The following TSC22D1 variants were observed in gnomAD, a reference collection of about 807,000 sequenced individuals.
The protein encoded by TSC22D1 is TSC22 domain family member 1.
Under a neutral mutation model 74.2 loss-of-function variants are expected in TSC22D1, and 9 were observed. The ratio of observed to expected loss-of-function variants is 0.12; its 90% CI spans 0.07 to 0.21. TSC22D1 has a LOEUF of 0.21. TSC22D1 is among the 10% of genes least tolerant of loss of function. The pLI is 1.00. For missense variants in TSC22D1, 1,427 were observed against 1,304.7 expected (o/e 1.09, Z -1.44); for synonymous variants, 586 against 492.5 (o/e 1.19, Z -2.51).
At chr13:44,556,435 A>G (rs993960788) in intron 1 of TSC22D1, among the ~76,000 whole-genome samples, 1 of 151,974 alleles carries the variant, frequency 6.6e-6, no homozygotes. Context: ...ACTTCCAGCT[A>G]CTAGGGAGGC....
chr13:44,444,930 T>C (rs1165568848), intron 1 of TSC22D1, among the ~76,000 whole-genome samples: 1 of 152,162 alleles, frequency 6.6e-6, no homozygotes, highest in Non-Finnish European at 1.5e-5. Flanking sequence ...TTAAACTCTT[T>C]CTATAAAGAA....
chr13:44,471,988 A>G (rs1366128542), intron 1 of TSC22D1, among the ~76,000 whole-genome samples: 2 of 152,208 alleles, frequency 1.3e-5, no homozygotes, highest in African/African-American at 4.8e-5. Context: ...TATCAGATCC[A>G]CTGTCAGCGT....
chr13:44,546,697 C>T (rs2138123793), intron 1 of TSC22D1, among the ~76,000 whole-genome samples: 1 of 151,652 alleles, frequency 6.6e-6, no homozygotes, highest in Non-Finnish European at 1.5e-5. Context: ...ATACATGATA[C>T]AAACATTAAG....
At chr13:44,512,694 G>C (rs552069552) in intron 1 of TSC22D1, among the ~76,000 whole-genome samples, 3 of 151,872 alleles carry the variant, frequency 2.0e-5, no homozygotes, top group Non-Finnish European at 4.4e-5. Context: ...GTCTTGCTCT[G>C]TCACCAGTGC....
At chr13:44,535,399 C>T (rs1405541245) in intron 1 of TSC22D1, among the ~76,000 whole-genome samples, 2 of 151,982 alleles carry the variant, frequency 1.3e-5, no homozygotes, top group Non-Finnish European at 2.9e-5. Context: ...AAGTCTTTCA[C>T]ATTTTAGGAC....
chr13:44,499,391 T>C (rs751346034), intron 1 of TSC22D1, among the ~76,000 whole-genome samples: 32 of 152,190 alleles, frequency 2.1e-4, no homozygotes, highest in Non-Finnish European at 4.0e-4. Context: ...TAGAGATAAA[T>C]TAATATTTTA....
intron 1 of TSC22D1, among the ~76,000 whole-genome samples, chr13:44,444,019 GCTCACGC>G (rs1371793822): frequency 6.6e-6 from 1 of 151,968 alleles, no homozygotes; most frequent in Non-Finnish European, 1.5e-5. Context: ...GGGCGTGGTG[GCTCACGC>G]CTGTAATCCC....
chr13:44,525,632 A>G (rs1221735271), intron 1 of TSC22D1, among the ~76,000 whole-genome samples: 1 of 151,944 alleles, frequency 6.6e-6, no homozygotes, highest in Non-Finnish European at 1.5e-5. Context: ...AAACCCAAAT[A>G]CCACAGAGTA....
chr13:44,510,782 G>C (rs1178321862), intron 1 of TSC22D1, among the ~76,000 whole-genome samples: 2 of 152,056 alleles, frequency 1.3e-5, no homozygotes, highest in Non-Finnish European at 2.9e-5. Context: ...TTTTGGTACA[G>C]ACAGGGTTTC....
In TSC22D1 at chr13:44,574,123, T is replaced by C; in HGVS notation, c.1952A>G (p.Asn651Ser). The C allele has an allele frequency of 6.2e-7, 1 of 1,614,206 alleles. No individual in the cohort carries two copies. Among genetic ancestry groups the C allele is most frequent in the South Asian group, 1.1e-5 (1 of 91,084 alleles). ...APGHVKSVTQ[N>S]PASEYVQQQP... Reference sequence around the variant, plus strand: ...CTGTTGTACATACTCTGAAGCAGGATTTTGAGTCACTGATTTGACATGGCC... The same window carrying C: ...CTGTTGTACATACTCTGAAGCAGGACTTTGAGTCACTGATTTGACATGGCC... The change falls in exon 1 of 3, where the codon AAT becomes AGT. Residue 651 changes from asparagine to serine, a missense_variant. This residue lies in a region of TSC22D1 where 1,343 missense variants were observed against 1,191.5 expected (regional missense o/e 1.13). Transcript: ENST00000458659.
At chr13:44,491,412 G>A (rs1878711702) in intron 1 of TSC22D1, among the ~76,000 whole-genome samples, 1 of 151,854 alleles carries the variant, frequency 6.6e-6, no homozygotes, top group Non-Finnish European at 1.5e-5. Flanking sequence ...AAATTAGCTG[G>A]ACGTAGTGGT....
chr13:44,539,819 G>C (rs1205299441), intron 1 of TSC22D1: 1 of 1,289,214 alleles, frequency 7.8e-7, no homozygotes, highest in Admixed American at 2.3e-5. Flanking sequence ...CTGTCTCCAA[G>C]GGTTCAGTGG....
In TSC22D1 at chr13:44,433,711, C is replaced by T. The variant is rs1399790559; in HGVS notation, c.*915G>A. On this transcript the variant is annotated 3_prime_UTR_variant, in exon 3 of 3. Transcript: ENST00000458659. The stretch of plus-strand genomic sequence containing the variant: ...CTGAGCATTTTTCAAAGTATTCAAC[C>T]AGCTCAATTGAAAGACTTCAGTGAA... 3 of 439,104 alleles carry T rather than the reference C, an allele frequency of 6.8e-6. No individual in the cohort carries two copies. Among genetic ancestry groups the T allele is most frequent in the African/African-American group, 6.2e-5 (3 of 48,050 alleles). The allele number at this position is 439,104 out of a possible 1,614,324, so 27.2% of individuals were successfully genotyped here. A position where few individuals can be genotyped will look rare whatever the true frequency, so the allele number is the denominator to read the frequency against.
intron 1 of TSC22D1, among the ~76,000 whole-genome samples, chr13:44,438,840 A>T (rs1382699344): frequency 6.6e-6 from 1 of 152,200 alleles, no homozygotes; most frequent in Non-Finnish European, 1.5e-5. Context: ...ATATTTTGAA[A>T]GTTAAAGTTA....
At chr13:44,517,092 G>A (rs1451515420) in intron 1 of TSC22D1, among the ~76,000 whole-genome samples, 4 of 152,116 alleles carry the variant, frequency 2.6e-5, no homozygotes, top group Non-Finnish European at 4.4e-5. Flanking sequence ...ACACGTGTGT[G>A]TTTGTGTGTA....
chr13:44,530,738 T>A (rs1036130039), intron 1 of TSC22D1, among the ~76,000 whole-genome samples: 1 of 151,286 alleles, frequency 6.6e-6, no homozygotes, highest in South Asian at 2.1e-4. Context: ...GAGTGGAAAG[T>A]GTATGAGAAG....
chr13:44,555,623 A>G (rs1882588393), intron 1 of TSC22D1, among the ~76,000 whole-genome samples: 1 of 152,038 alleles, frequency 6.6e-6, no homozygotes, highest in African/African-American at 2.4e-5. Context: ...ATAAATAAAT[A>G]AATAAATAAA....
intron 1 of TSC22D1, among the ~76,000 whole-genome samples, chr13:44,547,385 G>T (rs1035194694): frequency 6.6e-6 from 1 of 152,098 alleles, no homozygotes; most frequent in Non-Finnish European, 1.5e-5. Flanking sequence ...AAGATAATAT[G>T]TGAGAGATCA....
chr13:44,531,773 A>T (rs1880851761), intron 1 of TSC22D1, among the ~76,000 whole-genome samples: 1 of 152,242 alleles, frequency 6.6e-6, no homozygotes, highest in Admixed American at 6.5e-5. Context: ...GGTAATTAAA[A>T]GCACTATTAT....
Sources: allele counts gnomAD v4.1 joint callset (sites outside exome capture counted in the v4.1 genomes callset), GRCh38; gene constraint gnomAD v4.1.1; regional missense constraint gnomAD v4.1.1; transcripts MANE v1.5; gene names NCBI Gene and HGNC (gene_info 2026-07-23, HGNC 2026-07-21).